Variants in NINL observed in about 807,000 individuals in gnomAD.
NINL encodes ninein like, also known as ninein-like protein.
In NINL, 153 loss-of-function variants were observed where a neutral mutation model predicts 160.3. The observed-to-expected ratio is 0.95, with a 90% CI of 0.84 to 1.09. The LOEUF (loss-of-function observed/expected upper bound fraction) is 1.09, where lower values mean the gene tolerates loss of function less well. Among genes scored for constraint, NINL ranks in the 50% least tolerant of loss-of-function variants. NINL has a pLI of 0.00. For missense variants in NINL, 1,829 were observed against 1,764.0 expected (o/e 1.04, Z -0.66); for synonymous variants, 800 against 734.8 (o/e 1.09, Z -1.43).
At chr20:25,512,117 T>A (rs1354776777) in intron 4 of NINL, among the ~76,000 whole-genome samples, 1 of 152,142 alleles carries the variant, frequency 6.6e-6, no homozygotes, top group Non-Finnish European at 1.5e-5. Flanking sequence ...GATCCCTGCA[T>A]CCCAGGCACC....
intron 17 of NINL, among the ~76,000 whole-genome samples, chr20:25,474,749 G>T (rs1297097797): frequency 6.6e-6 from 1 of 151,630 alleles, no homozygotes; most frequent in Non-Finnish European, 1.5e-5. Flanking sequence ...CAAGTAGCTG[G>T]GACTACAAGC....
intron 1 of NINL, among the ~76,000 whole-genome samples, chr20:25,536,806 C>T (rs1231629021): frequency 6.6e-6 from 1 of 151,728 alleles, no homozygotes; most frequent in Non-Finnish European, 1.5e-5. Context: ...GTAATCATGA[C>T]CAACCTATTG....
At chr20:25,507,284 C>T (rs570373777) in intron 5 of NINL, among the ~76,000 whole-genome samples, 22 of 152,000 alleles carry the variant, frequency 1.4e-4, no homozygotes, top group Non-Finnish European at 2.2e-4. Context: ...CTGTGTCCTC[C>T]GCACACCTCA....
intron 7 of NINL, among the ~76,000 whole-genome samples, chr20:25,502,744 C>A (rs1357468767): frequency 1.3e-5 from 2 of 152,082 alleles, no homozygotes; most frequent in African/African-American, 4.8e-5. Flanking sequence ...CACACCTCCC[C>A]CCTCGCTTTC....
Position 25,489,308 on chromosome 20 carries a change from G to GCACT in NINL, c.1609_1612dup (p.Ala538GlufsTer31). 1 of 1,613,868 alleles carries GCACT rather than the reference G, an allele frequency of 6.2e-7. No homozygotes were observed. The highest frequency in any genetic ancestry group is 8.5e-7 in the Non-Finnish European group (1 of 1,179,996). ...CCGCTCCTCCTGGGCCAGGAGCTCT[G>GCACT]CACTCTGTGGCTCCAGCTGAAAGGC... On this transcript the variant is annotated frameshift_variant, in exon 13 of 24. Transcript: ENST00000278886. LOFTEE classifies it high-confidence loss of function.
chr20:25,557,545 GAA>G (rs374365028), intron 1 of NINL, among the ~76,000 whole-genome samples: 2 of 143,986 alleles, frequency 1.4e-5, no homozygotes, highest in East Asian at 4.0e-4. Context: ...AAAAGAAAAG[GAA>G]AAAAAAAAGA....
At chr20:25,515,750 T>G (rs2096120126) in intron 3 of NINL, among the ~76,000 whole-genome samples, 3 of 152,010 alleles carry the variant, frequency 2.0e-5, no homozygotes, top group South Asian at 4.2e-4. Flanking sequence ...ATCTGGTTAT[T>G]TTTTTATTGT....
At chr20:25,489,036 C>T in intron 13 of NINL, 1 of 593,736 alleles carries the variant, frequency 1.7e-6, no homozygotes, top group East Asian at 2.8e-5. Context: ...CCTGCATGGT[C>T]CCTGGACACA....
chr20:25,455,410 G>A (rs903485522), intron 23 of NINL, among the ~76,000 whole-genome samples: 5 of 152,232 alleles, frequency 3.3e-5, no homozygotes, highest in Admixed American at 1.3e-4. Flanking sequence ...GACCAGAGGT[G>A]CTTGGGGATG....
Position 25,526,580 on chromosome 20 carries a change from T to C in NINL, c.8A>G (p.Glu3Gly). Residue 3 changes from glutamate to glycine, a missense_variant, in exon 2 of 24, where the codon GAA (glutamate) becomes GGA (glycine). Coordinates refer to ENST00000278886, the MANE Select transcript of NINL (RefSeq NM_025176.6). MDEEENHYVSQLR... is the reference protein window; with the variant it reads MDGEENHYVSQLR... ...CTGCGAGACATAGTGGTTCTCTTCT[T>C]CATCCATCCCATAGCAGGCTGGCAG... 1 of 1,613,754 alleles carries C rather than the reference T, an allele frequency of 6.2e-7. No individual in the cohort carries two copies. Among genetic ancestry groups the C allele is most frequent in the Non-Finnish European group, 8.5e-7 (1 of 1,179,672 alleles).
At chr20:25,470,174 G>A (rs2063061629) in intron 17 of NINL, 79 bp from the exon 18 acceptor site, 4 of 1,136,878 alleles carry the variant, frequency 3.5e-6, no homozygotes, top group Non-Finnish European at 5.3e-6. Flanking sequence ...GCAGCGGGGA[G>A]TCCTGAGAAC....
intron 5 of NINL, among the ~76,000 whole-genome samples, chr20:25,507,361 A>G (rs1290438852): frequency 1.3e-5 from 2 of 151,782 alleles, no homozygotes; most frequent in Non-Finnish European, 2.9e-5. Context: ...ACTTTTCCTA[A>G]CCTTTGTCTT....
intron 2 of NINL, among the ~76,000 whole-genome samples, chr20:25,522,418 G>T (rs1279903541): frequency 6.6e-6 from 1 of 152,074 alleles, no homozygotes; most frequent in African/African-American, 2.4e-5. Flanking sequence ...GAGCTACCAG[G>T]ATTATTTAAC....
At position 25,555,543 on chromosome 20, in the gene NINL, A is replaced by G. The variant is rs531586552; in HGVS notation, c.-11-28945T>C. 1.5e-3 allele frequency among the ~76,000 whole-genome samples: 234 copies of G among 152,320 alleles called. 2 individuals carry two copies. The highest frequency in any genetic ancestry group is 5.4e-3 in the African/African-American group (223 of 41,564). Reference sequence around the variant, plus strand: ...CTCAAGGAATATTTACAAAGATAACACACTCATGTAACTACCATTCAGAAC... The same window carrying G: ...CTCAAGGAATATTTACAAAGATAACGCACTCATGTAACTACCATTCAGAAC... On this transcript the variant is annotated intron_variant, in intron 1 of 23. Coordinates refer to ENST00000278886, the MANE Select transcript of NINL (RefSeq NM_025176.6).
At chr20:25,499,451 T>C (rs569325812) in intron 8 of NINL, among the ~76,000 whole-genome samples, 2 of 152,252 alleles carry the variant, frequency 1.3e-5, no homozygotes, top group South Asian at 2.1e-4. Flanking sequence ...AGAGGCAACA[T>C]GCACTCATCA....
At chr20:25,570,466 C>T (rs913020037) in intron 1 of NINL, among the ~76,000 whole-genome samples, 2 of 152,054 alleles carry the variant, frequency 1.3e-5, no homozygotes, top group Non-Finnish European at 2.9e-5. Flanking sequence ...TGAGCCACCT[C>T]ACTCCCCACT....
intron 1 of NINL, among the ~76,000 whole-genome samples, chr20:25,534,201 T>C (rs1014453288): frequency 6.6e-6 from 1 of 152,136 alleles, no homozygotes; most frequent in Non-Finnish European, 1.5e-5. Flanking sequence ...ATAAACACTA[T>C]TCTATAAAAT....
rs907734732 is a variant in NINL at position 25,475,899 on chromosome 20, C to T, written c.3248+144G>A. 4.9e-6 allele frequency: 4 copies of T among 811,894 alleles called. No individual in the cohort carries two copies. The African/African-American group carries it at 5.2e-5, about 11-fold the overall frequency. 50.3% of individuals were successfully genotyped at this position (811,894 alleles called of 1,614,324 possible). A position where few individuals can be genotyped will look rare whatever the true frequency, so the allele number is the denominator to read the frequency against. ...GCTGGGCTCACAACCCCTACTCAGG[C>T]TGAAGGGCTACACAGCCCCCATCAG... On this transcript the variant is annotated intron_variant, in intron 17 of 23. Coordinates refer to ENST00000278886, the MANE Select transcript of NINL (RefSeq NM_025176.6).
chr20:25,482,006 T>C lies in NINL; in HGVS notation c.1772A>G (p.Asp591Gly), dbSNP rs1202572894. The C allele has an allele frequency of 1.9e-6, 3 of 1,598,402 alleles. No homozygotes were observed. The highest frequency in any genetic ancestry group is 2.5e-6 in the Non-Finnish European group (3 of 1,179,670). Residue 591 changes from aspartate to glycine, a missense_variant, in exon 14 of 24, where the codon GAT (aspartate) becomes GGT (glycine). Asp to Gly is a moderately conservative substitution (Grantham distance 94). Coordinates refer to ENST00000278886, the MANE Select transcript of NINL (RefSeq NM_025176.6). ...TCCAGGGAGCTGCCGTCTGCGCCCATCCGGGCTCCATGAGGGGCTGTGCCG... is the reference window on the plus strand; with the variant it reads ...TCCAGGGAGCTGCCGTCTGCGCCCACCCGGGCTCCATGAGGGGCTGTGCCG... Reference protein sequence around the residue: ...KNRHSPSWSPDGRRRQLPGLG... With the variant: ...KNRHSPSWSPGGRRRQLPGLG...
Sources: allele counts gnomAD v4.1 joint callset (sites outside exome capture counted in the v4.1 genomes callset), GRCh38; gene constraint gnomAD v4.1.1; transcripts MANE v1.5; gene names NCBI Gene and HGNC (gene_info 2026-07-23, HGNC 2026-07-21).